Variants in SLIT3 observed in about 807,000 individuals in gnomAD.
The protein encoded by SLIT3 is slit guidance ligand 3.
A neutral mutation model predicts 184.0 loss-of-function variants in SLIT3; 68 were observed. The ratio of observed to expected loss-of-function variants is 0.37; its 90% confidence interval spans 0.30 to 0.45. The LOEUF is 0.45. Among genes scored for constraint, SLIT3 ranks in the 20% least tolerant of loss-of-function variants. The pLI, the probability that SLIT3 is intolerant of heterozygous loss-of-function variation, is 1.00. For synonymous variants in SLIT3, 831 were observed against 828.6 expected (o/e 1.00, Z -0.05); for missense variants, 1,707 against 2,026.0 (o/e 0.84, Z 3.02).
chr5:168,885,968 G>C (rs1760190744), intron 4 of SLIT3, among the ~76,000 whole-genome samples: 2 of 152,132 alleles, frequency 1.3e-5, no homozygotes. Context: ...CACTTGGGTG[G>C]GGCAGCGCTT....
chr5:169,264,112 A>G (rs923932267), intron 1 of SLIT3, among the ~76,000 whole-genome samples: 2 of 152,068 alleles, frequency 1.3e-5, no homozygotes, highest in Non-Finnish European at 2.9e-5. Flanking sequence ...GACTCTCCCC[A>G]TAGATAAAGT....
chr5:169,023,417 A>C (rs1756679702), intron 4 of SLIT3, among the ~76,000 whole-genome samples: 1 of 152,142 alleles, frequency 6.6e-6, no homozygotes, highest in Non-Finnish European at 1.5e-5. Context: ...GGATAATTGT[A>C]AGACTAAAGC....
intron 8 of SLIT3, among the ~76,000 whole-genome samples, chr5:168,809,842 C>T (rs73308287): frequency 0.11 from 16,427 of 152,134 alleles, 1,187 homozygotes; most frequent in African/African-American, 0.2. Context: ...TCTGGAAGGG[C>T]CCTGAGGGAA....
Position 168,669,968 on chromosome 5 carries a change from G to C in SLIT3, c.4151C>G (p.Ala1384Gly), listed in dbSNP as rs183773709. 1.7e-5 allele frequency: 28 copies of C among 1,614,028 alleles called. No homozygotes were observed. Among genetic ancestry groups the C allele is most frequent in the Non-Finnish European group, 2.3e-5 (27 of 1,180,024 alleles). Residue 1384 changes from alanine (A) to glycine (G), a missense_variant, in exon 35 of 36, where the codon GCA (alanine) becomes GGA (glycine). Around this residue, in one of 3 missense-constraint regions of SLIT3, gnomAD observed 387 missense variants for 477.9 expected, o/e 0.81. Coordinates refer to ENST00000519560, the MANE Select transcript of SLIT3 (RefSeq NM_003062.4). The stretch of plus-strand genomic sequence containing the variant: ...CTTGCACATGTATGAGGTCCCAGTT[G>C]CCACACATTTTCCATGGTGGCATCT... ...GHRCHHGKCV[A>G]TGTSYMCKCA... is the part of the protein sequence containing the mutation.
At chr5:169,177,697 C>T (rs1488319675) in intron 4 of SLIT3, among the ~76,000 whole-genome samples, 6 of 152,004 alleles carry the variant, frequency 3.9e-5, no homozygotes, top group Admixed American at 6.6e-5. Context: ...AAAATGATGC[C>T]GATTCAAAGC....
chr5:169,138,473 C>T (rs1761604355), intron 4 of SLIT3, among the ~76,000 whole-genome samples: 1 of 152,108 alleles, frequency 6.6e-6, no homozygotes, highest in Non-Finnish European at 1.5e-5. Context: ...AACCCCTTCC[C>T]CCCTAGAGCA....
chr5:168,927,948 T>TCTGCTTTATC (rs1431000260), intron 4 of SLIT3, among the ~76,000 whole-genome samples: 1 of 152,248 alleles, frequency 6.6e-6, no homozygotes, highest in African/African-American at 2.4e-5. Context: ...AGGATGGATC[T>TCTGCTTTATC]CTGCTTTATC....
intron 1 of SLIT3, among the ~76,000 whole-genome samples, chr5:169,261,607 A>G (rs1766179864): frequency 6.6e-6 from 1 of 151,304 alleles, no homozygotes; most frequent in East Asian, 2.0e-4. Flanking sequence ...TTAAACACCT[A>G]CTCCAGACCT....
rs1199356149 is a variant in SLIT3 at position 168,692,588 on chromosome 5, G to A, written c.3176+19C>T. On this transcript the variant is annotated intron_variant, in intron 29 of 35. Transcript: ENST00000519560. ...AGTTTTCATGGACTCTGTGCTGGGG[G>A]CACGAAGCCAGGTCTTACCTGAATC... 1.3e-6 allele frequency: 2 copies of A among 1,582,814 alleles called. No individual in the cohort carries two copies. The highest frequency in any genetic ancestry group is 1.7e-5 in the Admixed American group (1 of 59,742).
intron 4 of SLIT3, among the ~76,000 whole-genome samples, chr5:169,132,050 C>T (rs995262393): frequency 2.6e-5 from 4 of 152,178 alleles, no homozygotes; most frequent in Admixed American, 1.3e-4. Flanking sequence ...CTCTATTCTG[C>T]CTTCCTCAGG....
chr5:169,196,475 G>A (rs537717922), intron 3 of SLIT3, among the ~76,000 whole-genome samples: 1 of 152,200 alleles, frequency 6.6e-6, no homozygotes, highest in African/African-American at 2.4e-5. Flanking sequence ...TGACAACAGT[G>A]ATGATAATGG....
At chr5:168,991,635 G>A (rs1201725785) in intron 4 of SLIT3, among the ~76,000 whole-genome samples, 3 of 152,202 alleles carry the variant, frequency 2.0e-5, no homozygotes, top group Admixed American at 6.5e-5. Context: ...CAGGGAGGAC[G>A]AGGGAAAGCC....
Position 169,300,889 on chromosome 5 carries a change from C to A in SLIT3, c.-180G>T. 7.9e-6 allele frequency: 3 copies of A among 379,694 alleles called. No individual in the cohort carries two copies. The highest frequency in any genetic ancestry group is 1.2e-5 in the Non-Finnish European group (3 of 240,208). The allele number at this position is 379,694 out of a possible 1,614,324, so 23.5% of individuals were successfully genotyped here. A position where few individuals can be genotyped will look rare whatever the true frequency, so the allele number is the denominator to read the frequency against. ...GGGCGGAGCGGGGCGCTCCGGGCGG[C>A]GGCGGCGGCAGCAACAGCAGCTCCA... is the stretch of plus-strand genomic sequence containing the variant. On this transcript the variant is annotated 5_prime_UTR_variant, in exon 1 of 36. Coordinates refer to ENST00000519560, the MANE Select transcript of SLIT3 (RefSeq NM_003062.4). This position sits in a 1 kb window ranked among gnomAD's most constrained non-coding sequence, Gnocchi z 4.1.
chr5:168,752,903 G>A lies in SLIT3; in HGVS notation c.1973+52C>T, dbSNP rs535889891. 1.6e-4 allele frequency: 247 copies of A among 1,561,612 alleles called. 2 individuals carry two copies. In the East Asian group the frequency reaches 5.2e-3, roughly 33 times the overall value. ...TAGCAGGGAGCTGGGAGGAGAGAGC[G>A]CTGCAGAGTGGGATCCCAGAGTCCG... On this transcript the variant is annotated intron_variant, in intron 18 of 35. Coordinates refer to ENST00000519560, the MANE Select transcript of SLIT3 (RefSeq NM_003062.4).
intron 28 of SLIT3, 74 bp from the exon 29 acceptor site, chr5:168,692,774 G>A: frequency 2.8e-6 from 3 of 1,069,438 alleles, no homozygotes; most frequent in Non-Finnish European, 4.3e-6. Flanking sequence ...CAGAGTACTA[G>A]GGGGGATATC....
intron 4 of SLIT3, among the ~76,000 whole-genome samples, chr5:168,901,199 A>AAAAG (rs1427301515): frequency 1.3e-5 from 2 of 152,092 alleles, no homozygotes; most frequent in African/African-American, 4.8e-5. Context: ...TCTCTACTAA[A>AAAAG]AACACAAAAA....
chr5:168,746,589 T>G (rs1581031728), intron 20 of SLIT3, among the ~76,000 whole-genome samples: 1 of 74,338 alleles, frequency 1.3e-5, no homozygotes, highest in Non-Finnish European at 2.6e-5. Context: ...GTGTGGTGTG[T>G]GAGTGTGGTG....
At chr5:168,684,496 A>T (rs6864844) in intron 31 of SLIT3, among the ~76,000 whole-genome samples, 1 of 151,970 alleles carries the variant, frequency 6.6e-6, no homozygotes, top group Admixed American at 6.6e-5. Context: ...ATTTATTTTT[A>T]GGCAGAATCT....
At chr5:169,253,684 A>G (rs1302740749) in intron 1 of SLIT3, among the ~76,000 whole-genome samples, 1 of 152,080 alleles carries the variant, frequency 6.6e-6, no homozygotes, top group African/African-American at 2.4e-5. Context: ...AATTAGTTGA[A>G]GCGCATCTCT....
Sources: allele counts gnomAD v4.1 joint callset (sites outside exome capture counted in the v4.1 genomes callset), GRCh38; gene constraint gnomAD v4.1.1; regional missense constraint gnomAD v4.1.1; non-coding constraint Gnocchi (gnomAD v3.1); transcripts MANE v1.5; gene names NCBI Gene and HGNC (gene_info 2026-07-23, HGNC 2026-07-21).